NR5A2: variants seen among roughly 807,000 people sequenced by gnomAD.
NR5A2 encodes the protein nuclear receptor subfamily 5 group A member 2, also known as CYP7A promoter-binding factor.
Under a neutral mutation model 62.7 loss-of-function variants are expected in NR5A2, and 26 were observed. The ratio of observed to expected loss-of-function variants is 0.41; its 90% CI spans 0.30 to 0.58. The LOEUF (loss-of-function observed/expected upper bound fraction) is 0.58, where lower values mean the gene tolerates loss of function less well. Among genes scored for constraint, NR5A2 ranks in the 20% least tolerant of loss-of-function variants. The probability of loss-of-function intolerance (pLI) is 0.22; values close to 1 mark genes in which losing one functional copy is unlikely to be tolerated. For missense variants in NR5A2, 541 were observed against 669.1 expected, an observed-to-expected ratio of 0.81 and a Z score of 2.11; for synonymous variants, 246 against 241.7, an observed-to-expected ratio of 1.02 and a Z score of -0.16.
At chr1:200,059,644 CACAA>C (rs1663097146) in intron 5 of NR5A2, among the ~76,000 whole-genome samples, 2 of 152,124 alleles carry the variant, frequency 1.3e-5, no homozygotes, top group South Asian at 2.1e-4. Context: ...CACACATGCA[CACAA>C]ACACACACAG....
chr1:200,065,495 T>C (rs1663426524), intron 5 of NR5A2, among the ~76,000 whole-genome samples: 1 of 152,244 alleles, frequency 6.6e-6, no homozygotes, highest in African/African-American at 2.4e-5. Flanking sequence ...TTCATAGTTA[T>C]TATTTTAATG....
intron 7 of NR5A2, among the ~76,000 whole-genome samples, chr1:200,146,562 G>A (rs955842021): frequency 2.6e-5 from 4 of 152,160 alleles, no homozygotes; most frequent in African/African-American, 9.7e-5. Context: ...ACATATTTAA[G>A]ATCTTTCCAA....
chr1:200,051,714 T>C (rs1338447322), intron 5 of NR5A2, among the ~76,000 whole-genome samples: 1 of 152,178 alleles, frequency 6.6e-6, no homozygotes, highest in Non-Finnish European at 1.5e-5. Context: ...ATAGTTTCAG[T>C]AGAGAGTTGG....
intron 7 of NR5A2, among the ~76,000 whole-genome samples, chr1:200,125,521 T>C (rs1051906683): frequency 3.3e-5 from 5 of 152,166 alleles, no homozygotes; most frequent in African/African-American, 1.2e-4. Flanking sequence ...AGCTACTGCA[T>C]GCTAAATGTC....
At chr1:200,141,662 G>A (rs950573642) in intron 7 of NR5A2, among the ~76,000 whole-genome samples, 22 of 152,094 alleles carry the variant, frequency 1.4e-4, no homozygotes, top group Non-Finnish European at 3.1e-4. Context: ...GGGAAACATA[G>A]GTCTATAATC....
intron 7 of NR5A2, among the ~76,000 whole-genome samples, chr1:200,163,109 AC>A (rs1653720466): frequency 6.6e-6 from 1 of 152,222 alleles, no homozygotes; most frequent in Non-Finnish European, 1.5e-5. Flanking sequence ...AAGCCAAAGC[AC>A]CCAGCCAAAA....
At chr1:200,144,445 T>C (rs911015847) in intron 7 of NR5A2, among the ~76,000 whole-genome samples, 1 of 152,154 alleles carries the variant, frequency 6.6e-6, no homozygotes, top group Non-Finnish European at 1.5e-5. Flanking sequence ...TTGGGGCTAG[T>C]TTGTGTTCTG....
chr1:200,092,462 C>T (rs1490074739), intron 5 of NR5A2, among the ~76,000 whole-genome samples: 1 of 152,174 alleles, frequency 6.6e-6, no homozygotes, highest in Non-Finnish European at 1.5e-5. Flanking sequence ...CTCGTTAATG[C>T]ACTTACTCCG....
chr1:200,148,901 C>T (rs184647237), intron 7 of NR5A2, among the ~76,000 whole-genome samples: 5 of 141,778 alleles, frequency 3.5e-5, no homozygotes, highest in Non-Finnish European at 6.1e-5. Context: ...CTTTGGCATG[C>T]GGTACTTTTT....
At chr1:200,153,531 AG>A (rs1653232467) in intron 7 of NR5A2, among the ~76,000 whole-genome samples, 1 of 152,166 alleles carries the variant, frequency 6.6e-6, no homozygotes, top group African/African-American at 2.4e-5. Flanking sequence ...AGCTGTTCCA[AG>A]CCCTATAGGG....
chr1:200,153,419 C>T (rs774740696), intron 7 of NR5A2, among the ~76,000 whole-genome samples: 8 of 152,286 alleles, frequency 5.3e-5, no homozygotes, highest in Non-Finnish European at 7.3e-5. Context: ...CTGAGAATGT[C>T]GCAGCATCCC....
chr1:200,170,438 C>T (rs1305443043), intron 7 of NR5A2, among the ~76,000 whole-genome samples: 10 of 152,210 alleles, frequency 6.6e-5, no homozygotes, highest in African/African-American at 2.2e-4. Context: ...AGGAAACACA[C>T]TTAAGTTTCT....
At position 200,120,791 on chromosome 1, in the gene NR5A2, G is replaced by A; in HGVS notation, c.1231-17G>A. The A allele has an allele frequency of 1.4e-5, 21 of 1,520,888 alleles. No individual in the cohort carries two copies. The highest frequency in any genetic ancestry group is 1.8e-4 in the Middle Eastern group (1 of 5,654). The allele number at this position is 1,520,888 out of a possible 1,614,324, so 94.2% of individuals were successfully genotyped here. A position where few individuals can be genotyped will look rare whatever the true frequency, so the allele number is the denominator to read the frequency against. ...GCTGATTCTGATAGTCCTTAAAACT[G>A]TGATTCTGTATTGCAGGTGGACTAT... On this transcript the variant is annotated splice_polypyrimidine_tract_variant and intron_variant, in intron 6 of 7. Coordinates refer to ENST00000367362, the MANE Select transcript of NR5A2 (RefSeq NM_205860.3).
At chr1:200,041,779 G>A (rs1427472650) in intron 2 of NR5A2, among the ~76,000 whole-genome samples, 1 of 152,196 alleles carries the variant, frequency 6.6e-6, no homozygotes, top group African/African-American at 2.4e-5. Context: ...CTCAGCCTCT[G>A]TCTTTGGGTT....
rs1553265656 is a variant in NR5A2 at position 200,048,848 on chromosome 1, A to G, written c.1110+30A>G. The G allele has an allele frequency of 3.7e-6, 6 of 1,608,498 alleles. No homozygotes were observed. The Admixed American group carries it at 1.0e-4, about 27-fold the overall frequency. The stretch of plus-strand genomic sequence containing the variant: ...GCCACCAGCTATTACAACTTACAGC[A>G]CCCCTTTTAAGAGAGACCTAACTAT... On this transcript the variant is annotated intron_variant, in intron 5 of 7. Coordinates refer to ENST00000367362, the MANE Select transcript of NR5A2 (RefSeq NM_205860.3). The surrounding 1 kb of genome is among the most constrained non-coding windows in gnomAD (Gnocchi z 4.8).
At chr1:200,065,805 G>A (rs749738112) in intron 5 of NR5A2, among the ~76,000 whole-genome samples, 1 of 152,094 alleles carries the variant, frequency 6.6e-6, no homozygotes, top group Non-Finnish European at 1.5e-5. Flanking sequence ...CAAATAACAA[G>A]AAAGAAAACA....
rs5780009 is a variant in NR5A2, at chr1:200,095,129, GAA to G, written c.1111-16060_1111-16059del. ...CATCTGACCTCCTTTTTAATAAAAA[GAA>G]AAAAAAAAAAAAGATCTCACTGTTT... On this transcript the variant is annotated intron_variant, in intron 5 of 7. Coordinates refer to ENST00000367362, the MANE Select transcript of NR5A2 (RefSeq NM_205860.3). Among the ~76,000 whole-genome samples the G allele has an allele frequency of 2.3e-3, 338 of 147,890 alleles. 2 individuals are homozygous for G. The highest frequency in any genetic ancestry group is 5.5e-3 in the African/African-American group (221 of 40,336).
At chr1:200,151,229 G>A (rs1462697766) in intron 7 of NR5A2, among the ~76,000 whole-genome samples, 3 of 152,214 alleles carry the variant, frequency 2.0e-5, no homozygotes, top group Non-Finnish European at 4.4e-5. Flanking sequence ...TGGGCAGTCA[G>A]TCTGTTAGGA....
At chr1:200,061,275 C>CTTTTT (rs35232000) in intron 5 of NR5A2, among the ~76,000 whole-genome samples, 1 of 122,876 alleles carries the variant, frequency 8.1e-6, no homozygotes, top group African/African-American at 3.2e-5. Context: ...TCGGGATTAA[C>CTTTTT]TTTTTTTTTT....
Sources: gnomAD v4.1 joint callset for allele counts (sites outside exome capture counted in the v4.1 genomes callset) on GRCh38, gnomAD v4.1.1 for gene constraint, Gnocchi (gnomAD v3.1) non-coding constraint, MANE v1.5 for transcripts, NCBI Gene and HGNC (gene_info 2026-07-23, HGNC 2026-07-21) for gene names.